Variants in C13orf42 observed in about 807,000 individuals in gnomAD.
C13orf42 encodes uncharacterized protein C13orf42.
At chr13:51,154,426 A>G (rs200314973) in intron 1 of C13orf42, among the ~76,000 whole-genome samples, 27 of 64,154 alleles carry the variant, frequency 4.2e-4, no homozygotes, top group Non-Finnish European at 5.0e-4. Context: ...TTTAAATTAT[A>G]CAATTATACA....
chr13:51,116,739 T>C (rs1953495255), intron 1 of C13orf42, among the ~76,000 whole-genome samples: 1 of 152,246 alleles, frequency 6.6e-6, no homozygotes, highest in Non-Finnish European at 1.5e-5. Context: ...ATAATGATCA[T>C]TATATTTGCT....
At chr13:51,087,811 T>A (rs1953144155) in intron 2 of C13orf42, 117 bp downstream of exon 2, 1 of 395,988 alleles carries the variant, frequency 2.5e-6, no homozygotes. Context: ...ATCAGGGAGG[T>A]GGGATTCCTG....
intron 1 of C13orf42, among the ~76,000 whole-genome samples, chr13:51,171,013 C>G (rs1418787971): frequency 6.6e-6 from 1 of 151,978 alleles, no homozygotes; most frequent in Non-Finnish European, 1.5e-5. Flanking sequence ...TATCTCTGTG[C>G]CCCCATCCCT....
intron 2 of C13orf42, among the ~76,000 whole-genome samples, chr13:51,086,204 G>A (rs1036523973): frequency 1.3e-5 from 2 of 152,080 alleles, no homozygotes; most frequent in Non-Finnish European, 2.9e-5. Flanking sequence ...CTACTCGGGA[G>A]GCTGAGGCAG....
chr13:51,166,651 C>T (rs1953904339), intron 1 of C13orf42, among the ~76,000 whole-genome samples: 4 of 151,192 alleles, frequency 2.6e-5, no homozygotes, highest in Admixed American at 1.3e-4. Context: ...CTGTTCTTTC[C>T]GGTACATTTT....
chr13:51,124,246 G>A (rs1024714176), intron 1 of C13orf42, among the ~76,000 whole-genome samples: 6 of 152,002 alleles, frequency 3.9e-5, no homozygotes, highest in Non-Finnish European at 7.4e-5. Context: ...TTCACTGGCC[G>A]ACCCACCAAA....
At chr13:51,094,025 G>A (rs2137982675) in intron 1 of C13orf42, among the ~76,000 whole-genome samples, 2 of 152,252 alleles carry the variant, frequency 1.3e-5, no homozygotes, top group South Asian at 4.1e-4. Context: ...GTCATCAGTT[G>A]TAATTATTCT....
At chr13:51,107,811 C>T (rs993519802) in intron 1 of C13orf42, among the ~76,000 whole-genome samples, 13 of 152,178 alleles carry the variant, frequency 8.5e-5, no homozygotes, top group East Asian at 5.8e-4. Flanking sequence ...CCAGGGGAGA[C>T]GCACATTTTA....
chr13:51,125,492 A>G (rs192453823), intron 1 of C13orf42, among the ~76,000 whole-genome samples: 1 of 152,268 alleles, frequency 6.6e-6, no homozygotes, highest in East Asian at 1.9e-4. Flanking sequence ...TGGCCCTTTC[A>G]ATGCTGTAAC....
intron 1 of C13orf42, chr13:51,161,657 C>T (rs1436233386): frequency 5.6e-6 from 1 of 178,992 alleles, no homozygotes; most frequent in Non-Finnish European, 1.2e-5. Flanking sequence ...CCATTCCTTC[C>T]CATGGAAACT....
intron 1 of C13orf42, among the ~76,000 whole-genome samples, chr13:51,124,906 C>T (rs1953563617): frequency 6.6e-6 from 1 of 152,126 alleles, no homozygotes; most frequent in Admixed American, 6.5e-5. Flanking sequence ...CACAGAGTGG[C>T]TTTAATGCAG....
intron 1 of C13orf42, among the ~76,000 whole-genome samples, chr13:51,134,387 G>T (rs1475008245): frequency 6.6e-6 from 1 of 152,100 alleles, no homozygotes; most frequent in East Asian, 1.9e-4. Flanking sequence ...TTTTGGTGTG[G>T]TTTGGGGAGC....
chr13:51,109,072 C>A (rs1375810598), intron 1 of C13orf42, among the ~76,000 whole-genome samples: 1 of 152,230 alleles, frequency 6.6e-6, no homozygotes, highest in African/African-American at 2.4e-5. Flanking sequence ...ACCACTGCAA[C>A]CCCTTCTGTC....
chr13:51,156,622 T>C (rs1196142933), intron 1 of C13orf42, among the ~76,000 whole-genome samples: 2 of 152,178 alleles, frequency 1.3e-5, no homozygotes, highest in Non-Finnish European at 1.5e-5. Context: ...ATTGATTCAG[T>C]GATAAAATGG....
At chr13:51,158,644 T>A (rs913601631) in intron 1 of C13orf42, among the ~76,000 whole-genome samples, 3 of 152,132 alleles carry the variant, frequency 2.0e-5, no homozygotes, top group African/African-American at 4.8e-5. Flanking sequence ...GGCCTGAAGG[T>A]CCCACGCAAC....
intron 1 of C13orf42, among the ~76,000 whole-genome samples, chr13:51,160,644 AG>A (rs1388025830): frequency 6.6e-6 from 1 of 152,272 alleles, no homozygotes; most frequent in Non-Finnish European, 1.5e-5. Flanking sequence ...ATAAGGCACT[AG>A]AAAGTAGACA....
chr13:51,125,241 C>A (rs2138017186), intron 1 of C13orf42, among the ~76,000 whole-genome samples: 1 of 152,322 alleles, frequency 6.6e-6, no homozygotes, highest in East Asian at 1.9e-4. Context: ...GGAAGATTGG[C>A]AAACGTGTCT....
chr13:51,108,873 T>C (rs1208424402), intron 1 of C13orf42, among the ~76,000 whole-genome samples: 1 of 152,250 alleles, frequency 6.6e-6, no homozygotes, highest in Non-Finnish European at 1.5e-5. Flanking sequence ...CCCATGTGCC[T>C]CTGCACAGCC....
chr13:51,167,188 A>T (rs1487986509), intron 1 of C13orf42, among the ~76,000 whole-genome samples: 1 of 152,146 alleles, frequency 6.6e-6, no homozygotes, highest in Non-Finnish European at 1.5e-5. Context: ...TGTCCAGGAA[A>T]CCCATCAGTA....
Sources: allele counts gnomAD v4.1 joint callset (sites outside exome capture counted in the v4.1 genomes callset), GRCh38; gene constraint gnomAD v4.1.1; transcripts MANE v1.5; gene names NCBI Gene and HGNC (gene_info 2026-07-23, HGNC 2026-07-21).